The following FRYL variants were observed in gnomAD, a reference collection of about 807,000 sequenced individuals.
The protein encoded by FRYL is protein furry homolog-like.
In FRYL, 150 loss-of-function variants were observed where a neutral mutation model predicts 351.2. That is an observed-to-expected ratio of 0.43 (90% CI 0.37 to 0.49). The LOEUF (loss-of-function observed/expected upper bound fraction) is 0.49. FRYL is among the 20% of genes least tolerant of loss of function. FRYL has a pLI of 0.00. For missense variants in FRYL, 3,036 were observed against 3,619.3 expected (o/e 0.84, Z 4.13); for synonymous variants, 1,153 against 1,257.1 (o/e 0.92, Z 1.75).
intron 4 of FRYL, among the ~76,000 whole-genome samples, chr4:48,626,709 A>G (rs1277878984): frequency 2.0e-5 from 3 of 152,156 alleles, no homozygotes; most frequent in African/African-American, 4.8e-5. Flanking sequence ...CATTAAATAC[A>G]TATCACAGAA....
At chr4:48,566,242 G>A (rs7693461) in intron 28 of FRYL, among the ~76,000 whole-genome samples, 77,456 of 151,956 alleles carry the variant, frequency 0.51, 20,146 homozygotes, top group South Asian at 0.61. Context: ...TGCTTTCTGC[G>A]GATGGCATCA....
At chr4:48,620,969 T>C (rs1239613550) in intron 5 of FRYL, among the ~76,000 whole-genome samples, 191 bp from the exon 6 acceptor site, 1 of 152,226 alleles carries the variant, frequency 6.6e-6, no homozygotes, top group African/African-American at 2.4e-5. Flanking sequence ...ACTATTAAAC[T>C]TTATCCAAAT....
chr4:48,547,738 T>G lies in FRYL; in HGVS notation c.4920A>C (p.Glu1640Asp). Residue 1640 changes from glutamate (E) to aspartate (D), a missense_variant, in exon 41 of 64, where the codon GAA becomes GAC. Glu to Asp is a conservative substitution (Grantham distance 45). Coordinates refer to ENST00000358350, the MANE Select transcript of FRYL (RefSeq NM_015030.2). ...GFDHCHPEVY[E>D]HCKRLLLHLL... ...AGTGCAGAAGCAGGCGTTTACAATG[T>G]TCATACACCTCAGGGTGGCAGTGGT... 2 of 1,559,856 alleles carry G rather than the reference T, an allele frequency of 1.3e-6. No individual in the cohort carries two copies. The highest frequency in any genetic ancestry group is 1.7e-6 in the Non-Finnish European group (2 of 1,145,128).
intron 55 of FRYL, among the ~76,000 whole-genome samples, chr4:48,518,045 C>A (rs1215321923): frequency 6.6e-6 from 1 of 152,142 alleles, no homozygotes; most frequent in Non-Finnish European, 1.5e-5. Flanking sequence ...AGATATAAGG[C>A]TGTCATGTTC....
intron 3 of FRYL, among the ~76,000 whole-genome samples, chr4:48,673,671 C>G (rs768260781): frequency 2.0e-5 from 3 of 152,186 alleles, no homozygotes; most frequent in African/African-American, 4.8e-5. Flanking sequence ...AATGGCATGG[C>G]TATATCACTT....
chr4:48,594,064 C>T, intron 15 of FRYL, 48 bp from the exon 16 acceptor site: 9 of 999,034 alleles, frequency 9.0e-6, no homozygotes, highest in Non-Finnish European at 1.3e-5. Context: ...TGTTAGGTAT[C>T]ATGCTAAGAA....
chr4:48,763,096 T>C (rs1197844878), intron 1 of FRYL, among the ~76,000 whole-genome samples: 7 of 84,338 alleles, frequency 8.3e-5, no homozygotes, highest in Admixed American at 7.8e-4. Context: ...TTTATATTTG[T>C]ACAGATCTGT....
intron 7 of FRYL, among the ~76,000 whole-genome samples, chr4:48,615,937 C>A (rs1216554457): frequency 1.3e-5 from 2 of 152,134 alleles, no homozygotes; most frequent in Admixed American, 6.6e-5. Flanking sequence ...AGCTGGAAAT[C>A]ATCATTCTCA....
In FRYL at chr4:48,502,545, C is replaced by CAA. The variant is rs57308308; in HGVS notation, c.8481+281_8481+282dup. 3.7e-3 allele frequency among the ~76,000 whole-genome samples: 413 copies of CAA among 111,146 alleles called. 1 individual carries two copies. The highest frequency in any genetic ancestry group is 5.2e-3 in the Non-Finnish European group (266 of 50,876). 72.9% of individuals were successfully genotyped at this position (111,146 alleles called of 152,430 possible). On this transcript the variant is annotated intron_variant, in intron 61 of 63. Coordinates refer to ENST00000358350, the MANE Select transcript of FRYL (RefSeq NM_015030.2). Reference sequence around the variant, plus strand: ...TGGGCAACAGAGCAAGACTCCATCTCAAAAAAAAAAAAAAAAGTTGTGCAC... The same window carrying CAA: ...TGGGCAACAGAGCAAGACTCCATCTCAAAAAAAAAAAAAAAAAAGTTGTGCAC...
intron 19 of FRYL, among the ~76,000 whole-genome samples, chr4:48,582,942 T>A (rs1307296691): frequency 6.6e-6 from 1 of 152,250 alleles, no homozygotes; most frequent in Non-Finnish European, 1.5e-5. Context: ...TATGAATCTA[T>A]TCCCATTAGT....
chr4:48,601,799 T>C (rs763219989), intron 13 of FRYL, among the ~76,000 whole-genome samples: 1 of 152,116 alleles, frequency 6.6e-6, no homozygotes, highest in Non-Finnish European at 1.5e-5. Context: ...TAATCTTGCA[T>C]TCATTAGGAC....
intron 1 of FRYL, among the ~76,000 whole-genome samples, chr4:48,773,963 C>G (rs1249579646): frequency 2.6e-5 from 4 of 152,150 alleles, no homozygotes; most frequent in African/African-American, 9.7e-5. Flanking sequence ...AAACTTGGAG[C>G]TACCCACATC....
chr4:48,698,483 GTCCCAAAAGTGGTTA>G, intron 2 of FRYL, among the ~76,000 whole-genome samples: 2 of 152,318 alleles, frequency 1.3e-5, no homozygotes, highest in South Asian at 4.1e-4. Context: ...TCCTGGCTCT[GTCCCAAAAGTGGTTA>G]TCTTGGTATT....
chr4:48,718,455 A>C (rs1769111210), intron 1 of FRYL, among the ~76,000 whole-genome samples: 1 of 151,620 alleles, frequency 6.6e-6, no homozygotes, highest in Non-Finnish European at 1.5e-5. Context: ...TATATTATAT[A>C]GCCAATATTG....
chr4:48,601,358 C>G (rs1302307671), intron 13 of FRYL, among the ~76,000 whole-genome samples: 3 of 152,134 alleles, frequency 2.0e-5, no homozygotes, highest in Non-Finnish European at 2.9e-5. Context: ...AGAATATTCC[C>G]ACACTGTCAG....
rs1578152007 is a variant in FRYL at position 48,567,194 on chromosome 4, A to G, written c.3169+54T>C. The G allele has an allele frequency of 1.4e-6, 2 of 1,450,794 alleles. No individual in the cohort carries two copies. The allele number at this position is 1,450,794 out of a possible 1,614,324, so 89.9% of individuals were successfully genotyped here. A position where few individuals can be genotyped will look rare whatever the true frequency, so the allele number is the denominator to read the frequency against. The stretch of plus-strand genomic sequence containing the variant: ...GATTATTAAACCTCAAGGAAAGAAA[A>G]AATATGACGGTTCCTTAATACTCAA... On this transcript the variant is annotated intron_variant, in intron 28 of 63. Coordinates refer to ENST00000358350, the MANE Select transcript of FRYL (RefSeq NM_015030.2). This position sits in a 1 kb window ranked among gnomAD's most constrained non-coding sequence, Gnocchi z 4.2.
chr4:48,559,889 TGG>T (rs1021350014), intron 33 of FRYL, among the ~76,000 whole-genome samples: 8 of 152,036 alleles, frequency 5.3e-5, no homozygotes, highest in Non-Finnish European at 1.2e-4. Context: ...CCAATTGCTG[TGG>T]AAAGTAGCAA....
At chr4:48,744,183 C>A (rs1051169904) in intron 1 of FRYL, among the ~76,000 whole-genome samples, 1 of 151,780 alleles carries the variant, frequency 6.6e-6, no homozygotes, top group Admixed American at 6.6e-5. Context: ...TAAGAAATTT[C>A]TTTTTGGGGG....
chr4:48,634,613 C>A (rs1753870302), intron 3 of FRYL, 123 bp from the exon 4 acceptor site: 4 of 601,760 alleles, frequency 6.6e-6, no homozygotes, highest in Non-Finnish European at 8.5e-6. Context: ...ATCTCCTCTA[C>A]CATAATCCAT....
Sources: gnomAD v4.1 joint callset for allele counts (sites outside exome capture counted in the v4.1 genomes callset) on GRCh38, gnomAD v4.1.1 for gene constraint, Gnocchi (gnomAD v3.1) non-coding constraint, MANE v1.5 for transcripts, NCBI Gene and HGNC (gene_info 2026-07-23, HGNC 2026-07-21) for gene names.